KLHL4: variants seen among roughly 807,000 people sequenced by gnomAD.
KLHL4 encodes the protein kelch-like protein 4.
In KLHL4, 17 loss-of-function variants were observed where a neutral mutation model predicts 45.8. That is an observed-to-expected ratio of 0.37 (90% confidence interval 0.25 to 0.56). The LOEUF (loss-of-function observed/expected upper bound fraction) is 0.56, where lower values mean the gene tolerates loss of function less well. Among genes scored for constraint, KLHL4 ranks in the 20% least tolerant of loss-of-function variants. KLHL4 has a pLI of 0.79. For synonymous variants in KLHL4, 224 were observed against 189.9 expected, an observed-to-expected ratio of 1.18 and a Z score of -1.47; for missense variants, 544 against 544.9, an observed-to-expected ratio of 1.00 and a Z score of 0.02.
chrX:87,534,003 G>A (rs1160257808), intron 1 of KLHL4, among the ~76,000 whole-genome samples: 5 of 111,438 alleles, frequency 4.5e-5, no homozygotes, highest in African/African-American at 1.6e-4. Flanking sequence ...CCACAAAACC[G>A]GAAATAGGAG....
intron 3 of KLHL4, among the ~76,000 whole-genome samples, chrX:87,615,218 C>T (rs773699550): frequency 3.9e-4 from 43 of 110,807 alleles, no homozygotes; most frequent in Middle Eastern, 4.6e-3. Flanking sequence ...TTTTGAAAAG[C>T]GATATGCTCT....
At chrX:87,657,207 G>A (rs900699611) in intron 9 of KLHL4, among the ~76,000 whole-genome samples, 1 of 112,090 alleles carries the variant, frequency 8.9e-6, no homozygotes, top group African/African-American at 3.2e-5. Flanking sequence ...TAGCAGATGG[G>A]TTTATGCTTT....
At chrX:87,529,470 A>G (rs1014577189) in intron 1 of KLHL4, among the ~76,000 whole-genome samples, 1 of 106,298 alleles carries the variant, frequency 9.4e-6, no homozygotes, top group African/African-American at 3.3e-5. Context: ...ATTATACCTT[A>G]ACTGGAAGAG....
chrX:87,556,670 A>G (rs749010488), intron 1 of KLHL4, among the ~76,000 whole-genome samples: 293 of 89,241 alleles, frequency 3.3e-3, no homozygotes, highest in Non-Finnish European at 5.3e-3. Context: ...AACTTAAAGT[A>G]TAATAATAAA....
chrX:87,609,226 G>C (rs1307489935), intron 1 of KLHL4, among the ~76,000 whole-genome samples: 1 of 112,167 alleles, frequency 8.9e-6, no homozygotes, highest in Non-Finnish European at 1.9e-5. Context: ...ACATATGTGT[G>C]CATGTGTCTT....
At chrX:87,641,099 A>G (rs1238965542) in intron 9 of KLHL4, among the ~76,000 whole-genome samples, 3 of 111,879 alleles carry the variant, frequency 2.7e-5, no homozygotes, top group South Asian at 3.8e-4. Context: ...AGAGGCTCGC[A>G]TTGTGAATTT....
chrX:87,659,959 AGTGTGT>A (rs113545604), intron 9 of KLHL4, among the ~76,000 whole-genome samples: 2 of 103,511 alleles, frequency 1.9e-5, no homozygotes, highest in African/African-American at 3.5e-5. Flanking sequence ...TGCGCGTATG[AGTGTGT>A]GTGTGTGTGT....
At chrX:87,611,340 G>A (rs896289057) in intron 1 of KLHL4, among the ~76,000 whole-genome samples, 1 of 111,184 alleles carries the variant, frequency 9.0e-6, no homozygotes, top group Non-Finnish European at 1.9e-5. Flanking sequence ...GGAGGTGGTA[G>A]AGCATAGTGG....
At chrX:87,532,517 C>A in intron 1 of KLHL4, among the ~76,000 whole-genome samples, 1 of 105,209 alleles carries the variant, frequency 9.5e-6, no homozygotes. Context: ...CTATAAATTA[C>A]CTTGGGCAGT....
chrX:87,626,931 G>A (rs893854150), intron 6 of KLHL4, among the ~76,000 whole-genome samples: 2 of 111,814 alleles, frequency 1.8e-5, no homozygotes, highest in Non-Finnish European at 3.8e-5. Context: ...GGAGTGGGTG[G>A]AATTCTTTCC....
chrX:87,658,699 C>T (rs1413502195), intron 9 of KLHL4, among the ~76,000 whole-genome samples: 1 of 111,622 alleles, frequency 9.0e-6, no homozygotes, highest in Non-Finnish European at 1.9e-5. Flanking sequence ...ATGTTAATCA[C>T]CTGTGTTCCT....
At chrX:87,644,450 G>T (rs1264108967) in intron 9 of KLHL4, among the ~76,000 whole-genome samples, 2 of 111,461 alleles carry the variant, frequency 1.8e-5, no homozygotes, top group African/African-American at 6.5e-5. Flanking sequence ...TGGATGGGTA[G>T]AATCAATATT....
chrX:87,609,532 G>A (rs971399214), intron 1 of KLHL4, among the ~76,000 whole-genome samples: 1 of 112,203 alleles, frequency 8.9e-6, no homozygotes, highest in African/African-American at 3.2e-5. Context: ...ATTTTTTCAT[G>A]TGTCTGTTGG....
intron 7 of KLHL4, among the ~76,000 whole-genome samples, 171 bp downstream of exon 7, chrX:87,632,605 G>C (rs1458405192): frequency 9.0e-6 from 1 of 111,514 alleles, no homozygotes; most frequent in East Asian, 2.8e-4. Flanking sequence ...TGTTATTGTT[G>C]CAGGTTACTC....
chrX:87,669,233 C>T lies in KLHL4; in HGVS notation c.*2699C>T, dbSNP rs938970579. 15 of 1,133,305 alleles carry T rather than the reference C, an allele frequency of 1.3e-5. No homozygotes were observed. Among genetic ancestry groups the T allele is most frequent in the Non-Finnish European group, 1.6e-5 (14 of 854,338 alleles). 93.4% of individuals were successfully genotyped at this position (1,133,305 alleles called of 1,213,427 possible). A position where few individuals can be genotyped will look rare whatever the true frequency, so the allele number is the denominator to read the frequency against. On this transcript the variant is annotated 3_prime_UTR_variant, in exon 11 of 11. Transcript: ENST00000373119. ...TTGCTTCTTGATTTTTTTCTATAAT[C>T]ACTATGACCGTGTTCACGATTCCCT...
intron 7 of KLHL4, among the ~76,000 whole-genome samples, chrX:87,633,343 T>C (rs750338367): frequency 1.8e-5 from 2 of 112,270 alleles, no homozygotes; most frequent in Non-Finnish European, 3.8e-5. Flanking sequence ...CCAGAGGTTA[T>C]AAAGACCTAC....
At chrX:87,560,313 T>C (rs1052235025) in intron 1 of KLHL4, among the ~76,000 whole-genome samples, 18 of 112,187 alleles carry the variant, frequency 1.6e-4, no homozygotes, top group African/African-American at 5.5e-4. Flanking sequence ...GATTACTTCC[T>C]CTTTTGCAAG....
chrX:87,657,206 G>T (rs1924021826), intron 9 of KLHL4, among the ~76,000 whole-genome samples: 1 of 111,998 alleles, frequency 8.9e-6, no homozygotes, highest in Admixed American at 9.5e-5. Flanking sequence ...GTAGCAGATG[G>T]GTTTATGCTT....
At chrX:87,607,084 C>T (rs781605441) in intron 1 of KLHL4, among the ~76,000 whole-genome samples, 2 of 111,393 alleles carry the variant, frequency 1.8e-5, no homozygotes, top group African/African-American at 6.5e-5. Context: ...ATACAATTTA[C>T]GGATTATTCC....
Sources: allele counts gnomAD v4.1 joint callset (sites outside exome capture counted in the v4.1 genomes callset), GRCh38; gene constraint gnomAD v4.1.1; transcripts MANE v1.5; gene names NCBI Gene and HGNC (gene_info 2026-07-23, HGNC 2026-07-21).